Variants in PUDP observed in about 807,000 individuals in gnomAD.
PUDP encodes the protein pseudouridine 5'-phosphatase.
In PUDP, 8 loss-of-function variants were observed where a neutral mutation model predicts 9.4. The observed-to-expected ratio is 0.85, with a 90% confidence interval of 0.50 to 1.53. The LOEUF (loss-of-function observed/expected upper bound fraction) is 1.53, where lower values mean the gene tolerates loss of function less well. Among genes scored for constraint, PUDP ranks in the 40% most tolerant of loss-of-function variants. The probability of loss-of-function intolerance (pLI) is 0.00; values close to 1 mark genes in which losing one functional copy is unlikely to be tolerated. For missense variants in PUDP, 188 were observed against 189.7 expected (o/e 0.99, Z 0.05); for synonymous variants, 99 against 80.7 (o/e 1.23, Z -1.22).
rs73455750 is a variant in PUDP at position 6,903,808 on chromosome X, A to G, written c.*247+73325T>C. On this transcript the variant is annotated intron_variant and NMD_transcript_variant, in intron 3 of 3. Transcript: ENST00000655425. ...TCAAAAAGAGGGAAGGGTAGGAGGG[A>G]GGTAAGAGCTGAAAAATTACCTATT... Among the ~76,000 whole-genome samples, 377 of 110,232 alleles carry G rather than the reference A, an allele frequency of 3.4e-3. 3 individuals are homozygous for G. The highest frequency in any genetic ancestry group is 0.012 in the African/African-American group (365 of 30,327).
At chrX:6,912,921 AAT>A (rs998812394) in intron 3 of PUDP, among the ~76,000 whole-genome samples, 7 of 112,098 alleles carry the variant, frequency 6.2e-5, no homozygotes, top group African/African-American at 2.3e-4. Flanking sequence ...CACCTTACAA[AAT>A]ATGTTTCAAA....
intron 1 of PUDP, among the ~76,000 whole-genome samples, chrX:7,021,434 T>A (rs1412931919): frequency 9.0e-6 from 1 of 111,412 alleles, no homozygotes; most frequent in Non-Finnish European, 1.9e-5. Context: ...GCACCCCCCC[T>A]TAGTTTCTAT....
intron 1 of PUDP, among the ~76,000 whole-genome samples, chrX:6,984,671 AG>A (rs1393139550): frequency 8.9e-6 from 1 of 111,869 alleles, no homozygotes; most frequent in Non-Finnish European, 1.9e-5. Flanking sequence ...ACATCAGTAC[AG>A]ATTTAAAAAC....
chrX:6,939,342 A>T (rs180672057), intron 3 of PUDP, among the ~76,000 whole-genome samples: 1,795 of 106,663 alleles, frequency 0.017, 52 homozygotes, highest in African/African-American at 0.058. Flanking sequence ...CTATATTAAT[A>T]TTGTAAATAT....
chrX:7,111,813 G>A (rs193228087), intron 1 of PUDP, among the ~76,000 whole-genome samples: 21 of 111,300 alleles, frequency 1.9e-4, no homozygotes, highest in Middle Eastern at 4.6e-3. Flanking sequence ...TGCTCTGAGC[G>A]CTTGGCCCAG....
chrX:7,050,074 G>A lies in PUDP; in HGVS notation c.*222C>T. On this transcript the variant is annotated 3_prime_UTR_variant, in exon 4 of 4. Coordinates refer to ENST00000381077, the MANE Select transcript of PUDP (RefSeq NM_012080.5). ...TAATTCAAGTTTCATCTTTGTTCTG[G>A]GCTTCGTTTCTGTCTCTACTGTATT... 1 of 369,264 alleles carries A rather than the reference G, an allele frequency of 2.7e-6. No individual in the cohort carries two copies. Among genetic ancestry groups the A allele is most frequent in the Non-Finnish European group, 4.7e-6 (1 of 212,335 alleles). The allele number at this position is 369,264 out of a possible 1,213,427, so 30.4% of individuals were successfully genotyped here.
At chrX:6,809,499 T>C (rs1158673505) in intron 3 of PUDP, among the ~76,000 whole-genome samples, 1 of 109,361 alleles carries the variant, frequency 9.1e-6, no homozygotes, top group South Asian at 4.2e-4. Context: ...TCTCCCTTCG[T>C]TGCCCAGGGC....
chrX:6,712,159 G>T (rs1250627700), intron 1 of PUDP, among the ~76,000 whole-genome samples: 1 of 110,934 alleles, frequency 9.0e-6, no homozygotes, highest in Non-Finnish European at 1.9e-5. Context: ...TATTTATTTT[G>T]TGTGTGTGTG....
At chrX:7,037,940 A>G (rs1026543290) in intron 1 of PUDP, among the ~76,000 whole-genome samples, 5 of 111,829 alleles carry the variant, frequency 4.5e-5, no homozygotes, top group Non-Finnish European at 9.4e-5. Flanking sequence ...AGGACAGACT[A>G]TGCAAAAATG....
At chrX:6,886,513 C>T (rs1007299208) in intron 3 of PUDP, among the ~76,000 whole-genome samples, 1 of 112,185 alleles carries the variant, frequency 8.9e-6, no homozygotes, top group Admixed American at 9.5e-5. Context: ...AATTGACAGA[C>T]TTCTCTAAGT....
intron 3 of PUDP, among the ~76,000 whole-genome samples, chrX:6,741,831 T>TC (rs1924941848): frequency 1.1e-5 from 1 of 95,030 alleles, no homozygotes; most frequent in African/African-American, 4.4e-5. Flanking sequence ...TCTCTCTCTC[T>TC]TTCTTTCTTT....
At chrX:7,077,524 T>G (rs1362858648) in intron 2 of PUDP, 75 bp from the exon 3 acceptor site, 3 of 772,418 alleles carry the variant, frequency 3.9e-6, no homozygotes, top group Middle Eastern at 2.9e-4. Flanking sequence ...GGACAGTCCC[T>G]CCAGCTGTGT....
At chrX:7,101,212 A>G (rs1826856787) in intron 2 of PUDP, among the ~76,000 whole-genome samples, 1 of 112,286 alleles carries the variant, frequency 8.9e-6, no homozygotes, top group African/African-American at 3.2e-5. Context: ...GCGGCTAGTA[A>G]AAGTTAAAAT....
intron 1 of PUDP, among the ~76,000 whole-genome samples, chrX:7,131,399 G>A (rs1432981078): frequency 1.8e-5 from 2 of 110,605 alleles, no homozygotes; most frequent in African/African-American, 6.6e-5. Flanking sequence ...TTAAGTGAAG[G>A]ATCTGGAGAT....
chrX:7,057,938 C>T, intron 3 of PUDP: 1 of 500,518 alleles, frequency 2.0e-6, no homozygotes, highest in Non-Finnish European at 3.3e-6. Context: ...CGTGTTCCTC[C>T]CCAGGTCTCA....
At chrX:7,053,465 G>A (rs188817398) in intron 3 of PUDP, among the ~76,000 whole-genome samples, 1 of 111,600 alleles carries the variant, frequency 9.0e-6, no homozygotes, top group African/African-American at 3.3e-5. Context: ...AATCATGGGG[G>A]CAGTTTTCCC....
intron 3 of PUDP, among the ~76,000 whole-genome samples, chrX:6,974,562 G>C (rs1928925451): frequency 8.9e-6 from 1 of 112,195 alleles, no homozygotes; most frequent in Non-Finnish European, 1.9e-5. Flanking sequence ...GGCTTGTAGT[G>C]TTTCTGCAGA....
rs1023361862 is a variant in PUDP, at chrX:7,049,135, G to A, written c.*1161C>T. 4.5e-5 allele frequency: 5 copies of A among 111,715 alleles called. No homozygotes were observed. The highest frequency in any genetic ancestry group is 9.4e-5 in the Non-Finnish European group (5 of 53,179). 9.2% of individuals were successfully genotyped at this position (111,715 alleles called of 1,213,427 possible). On this transcript the variant is annotated 3_prime_UTR_variant, in exon 4 of 4. Coordinates refer to ENST00000381077, the MANE Select transcript of PUDP (RefSeq NM_012080.5). The stretch of plus-strand genomic sequence containing the variant: ...CCACACGCACACATACATTCCTACG[G>A]TTTGTCCACAACTTCCAGAGCTGAA...
intron 1 of PUDP, among the ~76,000 whole-genome samples, chrX:7,135,408 T>C (rs985316521): frequency 1.1e-4 from 12 of 112,044 alleles, no homozygotes; most frequent in Middle Eastern, 4.6e-3. Flanking sequence ...CAAAAGACAA[T>C]TTTCCTGACA....
Sources: allele counts gnomAD v4.1 joint callset (sites outside exome capture counted in the v4.1 genomes callset), GRCh38; gene constraint gnomAD v4.1.1; transcripts MANE v1.5; gene names NCBI Gene and HGNC (gene_info 2026-07-23, HGNC 2026-07-21).